The following SPINK2 variants were observed in gnomAD, a reference collection of about 807,000 sequenced individuals.
SPINK2 encodes the protein serine protease inhibitor Kazal-type 2.
Under a neutral mutation model 13.5 loss-of-function variants are expected in SPINK2, and 8 were observed. That is an observed-to-expected ratio of 0.59 (90% CI 0.35 to 1.07). SPINK2 has a LOEUF of 1.07. Ranked by LOEUF, SPINK2 falls within the 50% of genes least tolerant of loss-of-function variation. The pLI, the probability that SPINK2 is intolerant of heterozygous loss-of-function variation, is 0.02. For synonymous variants in SPINK2, 76 were observed against 74.7 expected (o/e 1.02, Z -0.09); for missense variants, 148 against 180.3 (o/e 0.82, Z 1.03).
chr4:56,811,357 G>A (rs781533), intron 3 of SPINK2, among the ~76,000 whole-genome samples: 10,370 of 152,176 alleles, frequency 0.068, 601 homozygotes, highest in South Asian at 0.29. Flanking sequence ...GGTGGCTCAC[G>A]CCTGTAATCC....
Position 56,820,597 on chromosome 4 carries a change from A to T in SPINK2, c.206-18T>A, listed in dbSNP as rs189954381. 6.9e-5 allele frequency: 111 copies of T among 1,599,698 alleles called. No homozygotes were observed. The highest frequency in any genetic ancestry group is 5.9e-4 in the Middle Eastern group (3 of 5,052). ...CAGAGAGGCTGTAAGAAGAAAGCATAGACATTTTACAGTATAGGATCAAGG... is the reference window on the plus strand; with the variant it reads ...CAGAGAGGCTGTAAGAAGAAAGCATTGACATTTTACAGTATAGGATCAAGG... On this transcript the variant is annotated intron_variant, in intron 1 of 3. Transcript: ENST00000506738.
At position 56,811,708 on chromosome 4, in the gene SPINK2, T is replaced by C. The variant is rs766660267; in HGVS notation, c.336A>G (p.Glu112=). The stretch of plus-strand genomic sequence containing the variant: ...ACCTGATTTTCATGCACAGAGTACA[T>C]TCATTGGCATAAGTGGACATGTCAC... ...CGSDMSTYAN[E]CTLCMKIREG... The change falls in exon 3 of 4, where the codon GAA becomes GAG. Residue 112 remains glutamate (E), a synonymous_variant. Coordinates refer to ENST00000506738, the MANE Select transcript of SPINK2 (RefSeq NM_001271718.2). The C allele has an allele frequency of 2.5e-6, 4 of 1,609,438 alleles. No individual in the cohort carries two copies. In the East Asian group the frequency reaches 8.9e-5, roughly 36 times the overall value.
At chr4:56,814,501 C>T (rs1462834451) in intron 2 of SPINK2, among the ~76,000 whole-genome samples, 1 of 151,936 alleles carries the variant, frequency 6.6e-6, no homozygotes, top group Non-Finnish European at 1.5e-5. Context: ...TTGAGAAATA[C>T]ACATGCTGGT....
Position 56,809,889 on chromosome 4 carries a change from AAAT to A in SPINK2, c.*247_*249del. 1 of 890,394 alleles carries A rather than the reference AAAT, an allele frequency of 1.1e-6. No individual in the cohort carries two copies. Among genetic ancestry groups the A allele is most frequent in the Non-Finnish European group, 1.6e-6 (1 of 618,828 alleles). 55.2% of individuals were successfully genotyped at this position (890,394 alleles called of 1,614,324 possible). A position where few individuals can be genotyped will look rare whatever the true frequency, so the allele number is the denominator to read the frequency against. On this transcript the variant is annotated 3_prime_UTR_variant, in exon 4 of 4. Coordinates refer to ENST00000506738, the MANE Select transcript of SPINK2 (RefSeq NM_001271718.2). ...ATTCAATGCTGATTTTATTTCAACT[AAAT>A]AAAGCAATGCACAAGTCACCTGGGC...
intron 2 of SPINK2, among the ~76,000 whole-genome samples, chr4:56,814,085 G>A (rs989349697): frequency 4.0e-5 from 6 of 151,386 alleles, no homozygotes; most frequent in South Asian, 2.1e-4. Context: ...CACCACGCCC[G>A]GCTAATTTTT....
chr4:56,815,139 A>T (rs1306414409), intron 2 of SPINK2, among the ~76,000 whole-genome samples: 1 of 152,070 alleles, frequency 6.6e-6, no homozygotes, highest in Non-Finnish European at 1.5e-5. Context: ...AACCAGGAAC[A>T]GAAGAGAACT....
At chr4:56,816,163 T>C (rs1285698416) in intron 2 of SPINK2, among the ~76,000 whole-genome samples, 4 of 152,148 alleles carry the variant, frequency 2.6e-5, no homozygotes, top group African/African-American at 9.6e-5. Context: ...AAGATCAATA[T>C]ATAAAACTCA....
At chr4:56,813,917 C>A (rs62309953) in intron 2 of SPINK2, among the ~76,000 whole-genome samples, 1 of 138,682 alleles carries the variant, frequency 7.2e-6, no homozygotes, top group African/African-American at 2.8e-5. Flanking sequence ...CTGCACCTGG[C>A]CCTTTTTTTT....
At position 56,812,991 on chromosome 4, in the gene SPINK2, A is replaced by G. The variant is rs115706042; in HGVS notation, c.250-1197T>C. Among the ~76,000 whole-genome samples, 1,020 of 152,290 alleles carry G rather than the reference A, an allele frequency of 6.7e-3. 15 individuals carry two copies. The highest frequency in any genetic ancestry group is 0.022 in the African/African-American group (934 of 41,552). On this transcript the variant is annotated intron_variant, in intron 2 of 3. Coordinates refer to ENST00000506738, the MANE Select transcript of SPINK2 (RefSeq NM_001271718.2). The stretch of plus-strand genomic sequence containing the variant: ...CTTCCTCTCCACTCTCTGGAAGAGG[A>G]CCACTGCACATTTATTATTCCTTAA...
At chr4:56,814,328 C>T (rs1231535798) in intron 2 of SPINK2, among the ~76,000 whole-genome samples, 1 of 151,962 alleles carries the variant, frequency 6.6e-6, no homozygotes, top group Non-Finnish European at 1.5e-5. Context: ...CAAACTGGTC[C>T]CTGGTCCCAA....
chr4:56,810,519 A>G (rs1716890798), intron 3 of SPINK2: 2 of 254,210 alleles, frequency 7.9e-6, no homozygotes, highest in African/African-American at 4.6e-5. Flanking sequence ...CCTGGCCAAC[A>G]TGGTGAATCC....
chr4:56,821,308 C>T, intron 1 of SPINK2, 150 bp downstream of exon 1: 1 of 1,395,494 alleles, frequency 7.2e-7, no homozygotes, highest in East Asian at 2.8e-5. Context: ...CTCAACTCCT[C>T]ATCTTGGGCA....
rs1419242404 is a variant in SPINK2 at position 56,811,934 on chromosome 4, TTTC to T, written c.250-143_250-141del. On this transcript the variant is annotated intron_variant, in intron 2 of 3. Coordinates refer to ENST00000506738, the MANE Select transcript of SPINK2 (RefSeq NM_001271718.2). ...ATATTTTTATTTTCCAGAAAAATTT[TTTC>T]TTTTTTTTTTTTTTTTTTTGAGACA... The T allele has an allele frequency of 1.2e-3, 405 of 331,652 alleles. 1 individual carries two copies. Among genetic ancestry groups the T allele is most frequent in the African/African-American group, 8.6e-3 (383 of 44,722 alleles). 20.5% of individuals were successfully genotyped at this position (331,652 alleles called of 1,614,324 possible). A position where few individuals can be genotyped will look rare whatever the true frequency, so the allele number is the denominator to read the frequency against.
At chr4:56,812,432 G>A (rs995478610) in intron 2 of SPINK2, among the ~76,000 whole-genome samples, 22 of 151,314 alleles carry the variant, frequency 1.5e-4, no homozygotes, top group African/African-American at 4.6e-4. Context: ...GCGCATGCCT[G>A]TAATCCCAGC....
At chr4:56,821,797 G>A, upstream of SPINK2, 1 of 988,912 alleles carries the variant, frequency 1.0e-6, no homozygotes. Flanking sequence ...GCGGTAGGTG[G>A]CGAGGGAAGA....
chr4:56,820,578 G>T lies in SPINK2; in HGVS notation c.207C>A (p.Ala69=). 6.2e-7 allele frequency: 1 copy of T among 1,608,510 alleles called. No individual in the cohort carries two copies. Among genetic ancestry groups the T allele is most frequent in the Non-Finnish European group, 8.5e-7 (1 of 1,175,758 alleles). Residue 69 remains alanine, a splice_region_variant and synonymous_variant, in exon 2 of 4, where the codon GCC becomes GCA. Transcript: ENST00000506738. ...ACAGACCAAATTGAGGGATCAGAGA[G>T]GCTGTAAGAAGAAAGCATAGACATT... ...VTGGSPEDLP[A]SLIPQFGLFS...
At chr4:56,819,911 A>G (rs1717793665) in intron 2 of SPINK2, among the ~76,000 whole-genome samples, 1 of 152,072 alleles carries the variant, frequency 6.6e-6, no homozygotes. Flanking sequence ...CACTGCGCCC[A>G]GCTGCAAAAT....
intron 3 of SPINK2, among the ~76,000 whole-genome samples, chr4:56,810,840 G>C (rs1184012830): frequency 2.6e-5 from 4 of 151,358 alleles, no homozygotes; most frequent in Non-Finnish European, 5.9e-5. Flanking sequence ...AAAAGAATCA[G>C]AGAAGACCGA....
chr4:56,813,919 C>CTTTTTT (rs71194126), intron 2 of SPINK2, among the ~76,000 whole-genome samples: 19 of 97,132 alleles, frequency 2.0e-4, no homozygotes, highest in African/African-American at 7.6e-4. Flanking sequence ...GCACCTGGCC[C>CTTTTTT]TTTTTTTTTT....
Sources: allele counts gnomAD v4.1 joint callset (sites outside exome capture counted in the v4.1 genomes callset), GRCh38; gene constraint gnomAD v4.1.1; transcripts MANE v1.5; gene names NCBI Gene and HGNC (gene_info 2026-07-23, HGNC 2026-07-21).